WDR70: variants seen among roughly 807,000 people sequenced by gnomAD.
The protein encoded by WDR70 is WD repeat domain 70.
A neutral mutation model predicts 88.6 loss-of-function variants in WDR70; 53 were observed. The observed-to-expected ratio is 0.60, with a 90% confidence interval of 0.48 to 0.75. The LOEUF is 0.75. WDR70 is among the 30% of genes least tolerant of loss of function. WDR70 has a pLI of 0.00. For missense variants in WDR70, 610 were observed against 823.2 expected (o/e 0.74, Z 3.17); for synonymous variants, 280 against 270.0 (o/e 1.04, Z -0.36).
intron 5 of WDR70, among the ~76,000 whole-genome samples, chr5:37,432,581 A>G (rs2112025718): frequency 1.3e-5 from 2 of 150,024 alleles, no homozygotes; most frequent in East Asian, 3.9e-4. Context: ...TTTTTTTACT[A>G]GAGATGGGGT....
chr5:37,419,319 C>CTA (rs1749867606), intron 5 of WDR70, among the ~76,000 whole-genome samples: 1 of 151,452 alleles, frequency 6.6e-6, no homozygotes, highest in African/African-American at 2.4e-5. Flanking sequence ...GATTCTCCTG[C>CTA]CTCAGCCTCC....
At chr5:37,595,157 G>A (rs1222398770) in intron 9 of WDR70, among the ~76,000 whole-genome samples, 2 of 152,050 alleles carry the variant, frequency 1.3e-5, no homozygotes, top group Non-Finnish European at 2.9e-5. Flanking sequence ...GATTGCCCTG[G>A]CCAGAACTTC....
At chr5:37,649,760 C>T (rs1261836057) in intron 10 of WDR70, among the ~76,000 whole-genome samples, 12 of 16,940 alleles carry the variant, frequency 7.1e-4, no homozygotes, top group Admixed American at 6.9e-3. Flanking sequence ...TTTTTTGAGA[C>T]GGAGTCTCGC....
intron 9 of WDR70, among the ~76,000 whole-genome samples, chr5:37,526,110 G>A (rs556047053): frequency 6.6e-6 from 1 of 152,154 alleles, no homozygotes; most frequent in East Asian, 1.9e-4. Flanking sequence ...GGAAAAAGAG[G>A]GAATCCTCCC....
intron 13 of WDR70, among the ~76,000 whole-genome samples, chr5:37,715,204 C>G (rs1307644890): frequency 6.6e-6 from 1 of 152,092 alleles, no homozygotes; most frequent in Non-Finnish European, 1.5e-5. Flanking sequence ...CTTTCCCTTA[C>G]TTGGTTTTTC....
chr5:37,529,327 T>G (rs1741409652), intron 9 of WDR70, among the ~76,000 whole-genome samples: 1 of 152,056 alleles, frequency 6.6e-6, no homozygotes, highest in Non-Finnish European at 1.5e-5. Context: ...TCCCTATGAA[T>G]TTTGAGGTTG....
intron 9 of WDR70, among the ~76,000 whole-genome samples, chr5:37,583,168 T>C (rs1380964839): frequency 6.6e-6 from 1 of 152,226 alleles, no homozygotes; most frequent in African/African-American, 2.4e-5. Flanking sequence ...GGCTCATGCC[T>C]GTAATCCCGG....
At chr5:37,751,676 A>C (rs779548091) in intron 17 of WDR70, among the ~76,000 whole-genome samples, 52 of 152,246 alleles carry the variant, frequency 3.4e-4, no homozygotes, top group Non-Finnish European at 6.6e-4. Context: ...ATGTGCTTTA[A>C]TGTTTCTTCA....
intron 7 of WDR70, among the ~76,000 whole-genome samples, chr5:37,455,298 G>T (rs1275808351): frequency 6.8e-6 from 1 of 147,018 alleles, no homozygotes; most frequent in East Asian, 2.0e-4. Flanking sequence ...AGGCTGGAGT[G>T]CAGTAGCACG....
intron 9 of WDR70, among the ~76,000 whole-genome samples, chr5:37,553,606 T>TA (rs1742209731): frequency 6.6e-6 from 1 of 152,242 alleles, no homozygotes; most frequent in African/African-American, 2.4e-5. Context: ...TGAGGCTGTG[T>TA]AAAATGTATC....
chr5:37,435,445 G>C (rs1024316175), intron 5 of WDR70, among the ~76,000 whole-genome samples: 1 of 152,104 alleles, frequency 6.6e-6, no homozygotes, highest in Non-Finnish European at 1.5e-5. Flanking sequence ...GAATAGTCCA[G>C]AATTTGACCT....
At chr5:37,443,395 T>G in intron 7 of WDR70, 23 bp downstream of exon 7, 1 of 1,612,426 alleles carries the variant, frequency 6.2e-7, no homozygotes, top group Non-Finnish European at 8.5e-7. Flanking sequence ...TTACTTAATA[T>G]CTTCATATTT....
At chr5:37,455,307 C>G (rs60568621) in intron 7 of WDR70, among the ~76,000 whole-genome samples, 1 of 148,656 alleles carries the variant, frequency 6.7e-6, no homozygotes, top group Non-Finnish European at 1.5e-5. Context: ...TGCAGTAGCA[C>G]GATCTTGGTT....
At chr5:37,424,622 C>T (rs1750065667) in intron 5 of WDR70, among the ~76,000 whole-genome samples, 1 of 152,068 alleles carries the variant, frequency 6.6e-6, no homozygotes, top group East Asian at 1.9e-4. Context: ...GTTGCCCAAG[C>T]TGGACTTGGA....
intron 9 of WDR70, among the ~76,000 whole-genome samples, chr5:37,601,053 G>C (rs747221494): frequency 4.9e-4 from 75 of 152,118 alleles, no homozygotes; most frequent in Non-Finnish European, 8.8e-4. Flanking sequence ...ATTGACTCCA[G>C]TACTGTGTTG....
chr5:37,559,956 T>G (rs1217613123), intron 9 of WDR70, among the ~76,000 whole-genome samples: 1 of 152,194 alleles, frequency 6.6e-6, no homozygotes, highest in Non-Finnish European at 1.5e-5. Flanking sequence ...GTCACCTGTT[T>G]TAGTTTCTTG....
intron 6 of WDR70, among the ~76,000 whole-genome samples, chr5:37,439,415 CTG>C (rs1217390210): frequency 7.2e-5 from 11 of 152,010 alleles, no homozygotes; most frequent in Non-Finnish European, 1.3e-4. Context: ...AAATTGTAGA[CTG>C]AGTATTTAAA....
At chr5:37,690,047 G>A (rs760344955) in intron 10 of WDR70, among the ~76,000 whole-genome samples, 3 of 152,166 alleles carry the variant, frequency 2.0e-5, no homozygotes, top group Non-Finnish European at 4.4e-5. Flanking sequence ...ACCATGGCAC[G>A]AGAAGTTCAT....
chr5:37,461,614 G>A (rs1381989857), intron 7 of WDR70, among the ~76,000 whole-genome samples: 5 of 152,036 alleles, frequency 3.3e-5, no homozygotes, highest in Admixed American at 1.3e-4. Context: ...CACCTGAGGA[G>A]CTGGGACTAC....
Sources: gnomAD v4.1 joint callset for allele counts (sites outside exome capture counted in the v4.1 genomes callset) on GRCh38, gnomAD v4.1.1 for gene constraint, MANE v1.5 for transcripts, NCBI Gene and HGNC (gene_info 2026-07-23, HGNC 2026-07-21) for gene names.